Variants in ATXN1 observed in about 807,000 individuals in gnomAD.
ATXN1 encodes the protein ataxin-1.
ATXN1 carries 8 observed loss-of-function variants against 56.4 expected under a neutral mutation model. The ratio of observed to expected loss-of-function variants is 0.14; its 90% CI spans 0.08 to 0.26. ATXN1 has a LOEUF of 0.26. Among genes scored for constraint, ATXN1 ranks in the 10% least tolerant of loss-of-function variants. The pLI is 1.00. For missense variants in ATXN1, 987 were observed against 1,106.5 expected, an observed-to-expected ratio of 0.89 and a Z score of 1.53; for synonymous variants, 514 against 494.6, an observed-to-expected ratio of 1.04 and a Z score of -0.52.
intron 6 of ATXN1, among the ~76,000 whole-genome samples, chr6:16,384,833 G>A (rs1179292400): frequency 6.6e-6 from 1 of 152,226 alleles, no homozygotes; most frequent in Non-Finnish European, 1.5e-5. Flanking sequence ...GTGGAAACAT[G>A]AGCCAATTAA....
intron 3 of ATXN1, among the ~76,000 whole-genome samples, chr6:16,630,825 T>C (rs535258874): frequency 3.3e-5 from 5 of 152,362 alleles, no homozygotes; most frequent in South Asian, 4.1e-4. Flanking sequence ...AATGGTCAGA[T>C]TGATACTCAG....
intron 6 of ATXN1, among the ~76,000 whole-genome samples, chr6:16,349,471 C>T (rs939827639): frequency 3.3e-5 from 5 of 152,128 alleles, no homozygotes; most frequent in African/African-American, 1.2e-4. Context: ...CCACTGCACT[C>T]CAGCCTGGTG....
At chr6:16,316,636 A>G (rs892939242) in intron 7 of ATXN1, among the ~76,000 whole-genome samples, 1 of 151,920 alleles carries the variant, frequency 6.6e-6, no homozygotes, top group Non-Finnish European at 1.5e-5. Flanking sequence ...AATCTCAGCT[A>G]CTCTGAAGGC....
chr6:16,662,837 G>A (rs539354094), intron 2 of ATXN1, among the ~76,000 whole-genome samples: 2 of 152,094 alleles, frequency 1.3e-5, no homozygotes, highest in Non-Finnish European at 2.9e-5. Flanking sequence ...AGCACCATTT[G>A]CCAACGCTGT....
intron 2 of ATXN1, among the ~76,000 whole-genome samples, chr6:16,673,020 C>CAAAAAA (rs559212594): frequency 1.9e-5 from 2 of 105,530 alleles, no homozygotes; most frequent in Non-Finnish European, 3.8e-5. Context: ...TCCCCCCCGC[C>CAAAAAA]AAAAAAAAAA....
chr6:16,471,688 C>CGTGTGT (rs70999327), intron 6 of ATXN1, among the ~76,000 whole-genome samples: 15,588 of 149,150 alleles, frequency 0.1, 981 homozygotes, highest in East Asian at 0.26. Context: ...TGCATGCATG[C>CGTGTGT]GTGTGTGTGT....
intron 2 of ATXN1, among the ~76,000 whole-genome samples, chr6:16,670,027 G>T (rs954135054): frequency 2.6e-5 from 4 of 151,986 alleles, no homozygotes; most frequent in African/African-American, 9.7e-5. Context: ...CAGGGTGGGC[G>T]CTCAGAGAGA....
intron 2 of ATXN1, among the ~76,000 whole-genome samples, chr6:16,668,052 A>G (rs190560825): frequency 5.3e-5 from 8 of 152,266 alleles, no homozygotes; most frequent in African/African-American, 1.9e-4. Flanking sequence ...TTAATAGATG[A>G]CAGATGTTCT....
At chr6:16,574,201 A>ATTATTTAT (rs564019104) in intron 4 of ATXN1, among the ~76,000 whole-genome samples, 1 of 150,322 alleles carries the variant, frequency 6.7e-6, no homozygotes, top group Non-Finnish European at 1.5e-5. Flanking sequence ...TAATTTTTGT[A>ATTATTTAT]TTATTTATTT....
At chr6:16,385,422 G>A (rs1350489673) in intron 6 of ATXN1, among the ~76,000 whole-genome samples, 2 of 152,214 alleles carry the variant, frequency 1.3e-5, no homozygotes, top group South Asian at 2.1e-4. Context: ...TGCAGGGGCA[G>A]TAAGCATGGA....
At chr6:16,669,790 T>A (rs1236164925) in intron 2 of ATXN1, among the ~76,000 whole-genome samples, 1 of 152,020 alleles carries the variant, frequency 6.6e-6, no homozygotes, top group African/African-American at 2.4e-5. Context: ...TCATCTAGGT[T>A]TTAAGCCCCA....
At position 16,760,373 on chromosome 6, in the gene ATXN1, G is replaced by A. The variant is rs1484742619; in HGVS notation, c.-730+925C>T. 2.0e-5 allele frequency among the ~76,000 whole-genome samples: 3 copies of A among 151,622 alleles called. No homozygotes were observed. Among genetic ancestry groups the A allele is most frequent in the East Asian group, 1.9e-4 (1 of 5,132 alleles). ...TCTCCTGCCGCGGGTGCTGGCGGGG[G>A]CGCCGGCCCGGACTGGGGCGCTCGC... On this transcript the variant is annotated intron_variant, in intron 1 of 7. Transcript: ENST00000436367. The surrounding 1 kb of genome is among the most constrained non-coding windows in gnomAD (Gnocchi z 5.3).
At chr6:16,388,253 T>A (rs1758281509) in intron 6 of ATXN1, among the ~76,000 whole-genome samples, 1 of 152,180 alleles carries the variant, frequency 6.6e-6, no homozygotes, top group Non-Finnish European at 1.5e-5. Context: ...AAGAGTTCCA[T>A]CAGCAGTAAT....
At chr6:16,638,081 G>C (rs1763632158) in intron 3 of ATXN1, among the ~76,000 whole-genome samples, 1 of 152,114 alleles carries the variant, frequency 6.6e-6, no homozygotes, top group Non-Finnish European at 1.5e-5. Context: ...GATCCAGTCT[G>C]TGAGGTCTGC....
chr6:16,468,028 T>C (rs763924738), intron 6 of ATXN1, among the ~76,000 whole-genome samples: 1 of 152,194 alleles, frequency 6.6e-6, no homozygotes, highest in Non-Finnish European at 1.5e-5. Context: ...ATTATAGCAA[T>C]AATCATAGGA....
chr6:16,492,543 TAATAC>T lies in ATXN1; in HGVS notation c.-298-6439_-298-6435del, dbSNP rs201547237. On this transcript the variant is annotated intron_variant, in intron 5 of 7. Transcript: ENST00000436367. ...CAGCAATAGAAAACCAATCCACATA[TAATAC>T]AATACATTTCTTTTTTTTTTTGCTT... 6.8e-3 allele frequency among the ~76,000 whole-genome samples: 854 copies of T among 125,912 alleles called. 12 individuals are homozygous for T. Among genetic ancestry groups the T allele is most frequent in the African/African-American group, 0.024 (795 of 33,296 alleles). 82.6% of individuals were successfully genotyped at this position (125,912 alleles called of 152,430 possible).
intron 6 of ATXN1, among the ~76,000 whole-genome samples, chr6:16,381,370 G>A (rs1366991067): frequency 6.6e-6 from 1 of 152,136 alleles, no homozygotes; most frequent in Non-Finnish European, 1.5e-5. Context: ...ATGCTAAGGA[G>A]CCACCAGAAG....
At chr6:16,532,784 G>A (rs1761530199) in intron 4 of ATXN1, among the ~76,000 whole-genome samples, 1 of 152,160 alleles carries the variant, frequency 6.6e-6, no homozygotes, top group Non-Finnish European at 1.5e-5. Context: ...GTACATTACT[G>A]ATAGAAATGC....
At chr6:16,592,870 G>T (rs142058254) in intron 3 of ATXN1, among the ~76,000 whole-genome samples, 1 of 149,520 alleles carries the variant, frequency 6.7e-6, no homozygotes, top group African/African-American at 2.5e-5. Flanking sequence ...TGGTGCGGGT[G>T]GGGGTGGGGG....
Sources: gnomAD v4.1 joint callset for allele counts (sites outside exome capture counted in the v4.1 genomes callset) on GRCh38, gnomAD v4.1.1 for gene constraint, Gnocchi (gnomAD v3.1) non-coding constraint, MANE v1.5 for transcripts, NCBI Gene and HGNC (gene_info 2026-07-23, HGNC 2026-07-21) for gene names.